Variants in C1orf167 observed in about 807,000 individuals in gnomAD.
The protein encoded by C1orf167 is chromosome 1 open reading frame 167.
C1orf167 carries 153 observed loss-of-function variants against 176.5 expected under a neutral mutation model. The ratio of observed to expected loss-of-function variants is 0.87; its 90% CI spans 0.76 to 0.99. The LOEUF is 0.99. C1orf167 is among the 50% of genes least tolerant of loss of function. C1orf167 has a pLI of 0.00. For synonymous variants in C1orf167, 594 were observed against 752.7 expected, an observed-to-expected ratio of 0.79 and a Z score of 3.45; for missense variants, 1,490 against 1,817.7, an observed-to-expected ratio of 0.82 and a Z score of 3.28.
intron 20 of C1orf167, chr1:11,789,019 A>G: frequency 5.2e-6 from 2 of 386,546 alleles, no homozygotes; most frequent in South Asian, 4.2e-5. Context: ...CACTCACACT[A>G]GCCCATGGAG....
intron 8 of C1orf167, among the ~76,000 whole-genome samples, chr1:11,773,144 C>T (rs993546470): frequency 9.9e-5 from 15 of 151,290 alleles, no homozygotes; most frequent in Non-Finnish European, 1.9e-4. Flanking sequence ...CCACCCACCT[C>T]GGCCTCCCAA....
Position 11,778,741 on chromosome 1 carries a change from C to T in C1orf167, c.2421C>T (p.Ala807=). ...WWHLRALGPD[A]TSSCTKTPSA... ...ACTTGAGGGCACTGGGCCCAGATGC[C>T]ACATCAAGCTGCACCAAGACCCCCT... The change falls in exon 11 of 21, where the codon GCC becomes GCT. Residue 807 remains alanine (A), a synonymous_variant. Transcript: ENST00000688073. The T allele has an allele frequency of 7.7e-7, 1 of 1,304,018 alleles. No individual in the cohort carries two copies. The highest frequency in any genetic ancestry group is 1.2e-5 in the South Asian group (1 of 81,004). The allele number at this position is 1,304,018 out of a possible 1,614,324, so 80.8% of individuals were successfully genotyped here. A position where few individuals can be genotyped will look rare whatever the true frequency, so the allele number is the denominator to read the frequency against.
At chr1:11,781,399 G>T (rs908814304) in intron 13 of C1orf167, among the ~76,000 whole-genome samples, 3 of 152,268 alleles carry the variant, frequency 2.0e-5, no homozygotes, top group African/African-American at 7.2e-5. Context: ...CTGTATTCAA[G>T]GCGGGGCATT....
chr1:11,762,399 G>T (rs1036617650), intron 1 of C1orf167, 94 bp downstream of exon 1: 1 of 344,388 alleles, frequency 2.9e-6, no homozygotes, highest in Non-Finnish European at 5.8e-6. Flanking sequence ...GGACAGGGGT[G>T]GGGGTGGAGT....
intron 8 of C1orf167, among the ~76,000 whole-genome samples, chr1:11,773,663 G>A (rs10864538): frequency 0.57 from 87,184 of 151,860 alleles, 25,892 homozygotes; most frequent in East Asian, 0.77. Flanking sequence ...AGCCGAGATC[G>A]TGCCACTGCA....
In C1orf167 at chr1:11,782,317, C is replaced by A; in HGVS notation, c.2989C>A (p.Gln997Lys). ...GAGATGCACAGTGACCCGGCCAGAG[C>A]AGCTGCTACTGCAGAGGTGGGTGGG... ...HQRCTVTRPE[Q>K]LLLQSYFQAW... is the part of the protein sequence containing the mutation. The change falls in exon 14 of 21, where the codon CAG becomes AAG. Residue 997 changes from glutamine (Q) to lysine (K), a missense_variant. Transcript: ENST00000688073. 2 of 1,275,392 alleles carry A rather than the reference C, an allele frequency of 1.6e-6. No individual in the cohort carries two copies. Among genetic ancestry groups the A allele is most frequent in the Non-Finnish European group, 1.0e-6 (1 of 976,594 alleles). 79.0% of individuals were successfully genotyped at this position (1,275,392 alleles called of 1,614,324 possible).
At position 11,768,177 on chromosome 1, in the gene C1orf167, T is replaced by C. The variant is rs1421018059; in HGVS notation, c.1444T>C (p.Leu482=). 7.8e-7 allele frequency: 1 copy of C among 1,287,916 alleles called. No homozygotes were observed. The highest frequency in any genetic ancestry group is 5.6e-5 in the East Asian group (1 of 18,018). The allele number at this position is 1,287,916 out of a possible 1,614,324, so 79.8% of individuals were successfully genotyped here. The part of the protein sequence containing the change: ...AAVALGRWQL[L]RKCLQALWLR... ...AGTGGCACTGGGCCGCTGGCAGCTG[T>C]TGCGAAAGTGCCTTCAGGCCTTGTG... Residue 482 remains leucine, a synonymous_variant, in exon 5 of 21, where the codon TTG becomes CTG. Coordinates refer to ENST00000688073, the MANE Select transcript of C1orf167 (RefSeq NM_001010881.2). The surrounding 1 kb of genome is among the most constrained non-coding windows in gnomAD (Gnocchi z 4.5).
At chr1:11,787,661 C>A in intron 17 of C1orf167, 168 bp downstream of exon 17, 1 of 877,856 alleles carries the variant, frequency 1.1e-6, no homozygotes, top group Non-Finnish European at 1.5e-6. Context: ...TCTGAGAAAA[C>A]ACTTTGCATT....
rs1421422401 is a variant in C1orf167, at chr1:11,768,472, C to A, written c.1542+197C>A. 1.3e-5 allele frequency among the ~76,000 whole-genome samples: 2 copies of A among 152,226 alleles called. No homozygotes were observed. The highest frequency in any genetic ancestry group is 2.4e-5 in the African/African-American group (1 of 41,446). ...CAAATCCTGCCCCCTCTACCACTTT[C>A]TAGCTGCGTGACCTTGGGCAAGTTA... On this transcript the variant is annotated intron_variant, in intron 5 of 20. Coordinates refer to ENST00000688073, the MANE Select transcript of C1orf167 (RefSeq NM_001010881.2). The surrounding 1 kb of genome is among the most constrained non-coding windows in gnomAD (Gnocchi z 4.5).
chr1:11,766,863 C>A lies in C1orf167; in HGVS notation c.1077C>A (p.Pro359=). Residue 359 remains proline (P), a synonymous_variant, in exon 3 of 21, where the codon CCC becomes CCA. Transcript: ENST00000688073. This position sits in a 1 kb window ranked among gnomAD's most constrained non-coding sequence, Gnocchi z 4.5. ...TAGGGTCAGGGGACAGCTGCTCCCC[C>A]TGGTCTCAAGATGGCAGGGCACAGA... ...HPLGSGDSCS[P]WSQDGRAQRG... is the part of the protein sequence containing the mutation. 2 of 1,277,994 alleles carry A rather than the reference C, an allele frequency of 1.6e-6. No individual in the cohort carries two copies. Among genetic ancestry groups the A allele is most frequent in the Non-Finnish European group, 2.0e-6 (2 of 981,852 alleles). 79.2% of individuals were successfully genotyped at this position (1,277,994 alleles called of 1,614,324 possible).
At position 11,766,053 on chromosome 1, in the gene C1orf167, G is replaced by A. The variant is rs958270790; in HGVS notation, c.267G>A (p.Thr89=). ...GPRLGLALKD[T]TGQLVNSSFW... is the part of the protein sequence containing the mutation. ...GCCTGGGCCTAGCTCTGAAGGACAC[G>A]ACTGGCCAACTGGTCAATTCAAGCT... Residue 89 remains threonine, a synonymous_variant, in exon 3 of 21, where the codon ACG becomes ACA. Transcript: ENST00000688073. The surrounding 1 kb of genome is among the most constrained non-coding windows in gnomAD (Gnocchi z 4.5). The A allele has an allele frequency of 1.9e-5, 25 of 1,289,760 alleles. No individual in the cohort carries two copies. In the African/African-American group the frequency reaches 2.7e-4, roughly 14 times the overall value. 79.9% of individuals were successfully genotyped at this position (1,289,760 alleles called of 1,614,324 possible).
rs1643952666 is a variant in C1orf167 at position 11,788,220 on chromosome 1, G to C, written c.3920G>C (p.Gly1307Ala). 7.7e-7 allele frequency: 1 copy of C among 1,303,780 alleles called. No homozygotes were observed. The highest frequency in any genetic ancestry group is 1.0e-6 in the Non-Finnish European group (1 of 988,508). The allele number at this position is 1,303,780 out of a possible 1,614,324, so 80.8% of individuals were successfully genotyped here. Reference protein sequence around the residue: ...HGSALLLALKGHDALGHQEEV... With the variant: ...HGSALLLALKAHDALGHQEEV... ...TCTGCCCTCCTTCTGGCCCTGAAGG[G>C]TCACGATGCTCTTGGCCATCAGGAG... The change falls in exon 19 of 21, where the codon GGT becomes GCT. Residue 1307 changes from glycine (G) to alanine (A), a missense_variant. Physicochemically the swap from Gly to Ala is moderately conservative, Grantham distance 60. Coordinates refer to ENST00000688073, the MANE Select transcript of C1orf167 (RefSeq NM_001010881.2).
chr1:11,784,625 CTG>C (rs1429296169), intron 15 of C1orf167, 32 bp downstream of exon 15: 11 of 1,207,524 alleles, frequency 9.1e-6, no homozygotes, highest in African/African-American at 1.6e-5. Flanking sequence ...CAGCCCCACT[CTG>C]TGCTTCCAGC....
intron 3 of C1orf167, 63 bp downstream of exon 3, chr1:11,767,148 G>A: frequency 7.8e-7 from 1 of 1,283,504 alleles, no homozygotes; most frequent in African/African-American, 1.5e-5. Context: ...AGGGCAGGGA[G>A]GCTTGGCAGG....
chr1:11,772,131 G>A lies in C1orf167; in HGVS notation c.1860G>A (p.Glu620=). ...QQKKRARQER[E]TLRKATRATQ... ...AGAAACGGGCCAGACAGGAGAGGGA[G>A]ACTCTGCGGAAGGCCACCAGGGCCA... The change falls in exon 8 of 21, where the codon GAG becomes GAA. Residue 620 remains glutamate, a synonymous_variant. Coordinates refer to ENST00000688073, the MANE Select transcript of C1orf167 (RefSeq NM_001010881.2). 1 of 1,304,310 alleles carries A rather than the reference G, an allele frequency of 7.7e-7. No individual in the cohort carries two copies. Among genetic ancestry groups the A allele is most frequent in the South Asian group, 1.2e-5 (1 of 81,030 alleles). The allele number at this position is 1,304,310 out of a possible 1,614,324, so 80.8% of individuals were successfully genotyped here. A position where few individuals can be genotyped will look rare whatever the true frequency, so the allele number is the denominator to read the frequency against.
chr1:11,765,530 C>T (rs373361024), intron 2 of C1orf167, among the ~76,000 whole-genome samples: 152 of 152,050 alleles, frequency 1.0e-3, no homozygotes, highest in African/African-American at 3.5e-3. Flanking sequence ...CCCGCTGGCT[C>T]CATCTCTGAA....
At chr1:11,771,124 G>A (rs1296571130) in intron 6 of C1orf167, among the ~76,000 whole-genome samples, 7 of 128,486 alleles carry the variant, frequency 5.4e-5, no homozygotes, top group East Asian at 2.3e-4. Flanking sequence ...TCACTATGTC[G>A]GCCAGGCTGG....
chr1:11,762,839 C>T (rs1642577301), intron 1 of C1orf167, among the ~76,000 whole-genome samples: 1 of 152,214 alleles, frequency 6.6e-6, no homozygotes, highest in Non-Finnish European at 1.5e-5. Flanking sequence ...CCAGCCTGCC[C>T]TCGTGTGGCT....
chr1:11,767,956 G>T (rs951964271), intron 4 of C1orf167, 121 bp from the exon 5 acceptor site: 8 of 676,962 alleles, frequency 1.2e-5, no homozygotes, highest in Admixed American at 7.6e-5. Flanking sequence ...TACTCCTGTT[G>T]TGGCGTGGGT....
Sources: gnomAD v4.1 joint callset for allele counts (sites outside exome capture counted in the v4.1 genomes callset) on GRCh38, gnomAD v4.1.1 for gene constraint, Gnocchi (gnomAD v3.1) non-coding constraint, MANE v1.5 for transcripts, NCBI Gene and HGNC (gene_info 2026-07-23, HGNC 2026-07-21) for gene names.